The following CNTN5 variants were observed in gnomAD, a reference collection of about 807,000 sequenced individuals.
CNTN5 encodes the protein contactin-5.
Under a neutral mutation model 129.1 loss-of-function variants are expected in CNTN5, and 77 were observed. The observed-to-expected ratio is 0.60, with a 90% CI of 0.50 to 0.72. The LOEUF is 0.72. Ranked by LOEUF, CNTN5 falls within the 30% of genes least tolerant of loss-of-function variation. The pLI, the probability that CNTN5 is intolerant of heterozygous loss-of-function variation, is 0.00. For synonymous variants in CNTN5, 509 were observed against 465.6 expected, an observed-to-expected ratio of 1.09 and a Z score of -1.20; for missense variants, 1,478 against 1,328.8, an observed-to-expected ratio of 1.11 and a Z score of -1.75.
intron 20 of CNTN5, among the ~76,000 whole-genome samples, chr11:100,301,049 A>G (rs1359555294): frequency 6.6e-6 from 1 of 151,606 alleles, no homozygotes; most frequent in Non-Finnish European, 1.5e-5. Flanking sequence ...TGGAAAGCAC[A>G]TTTTTTAACT....
chr11:100,310,174 TG>T (rs1417184846), intron 21 of CNTN5, among the ~76,000 whole-genome samples: 3 of 151,910 alleles, frequency 2.0e-5, no homozygotes, highest in Non-Finnish European at 4.4e-5. Context: ...TACATTAGTG[TG>T]AATTCACTCT....
At chr11:100,111,563 G>T (rs1481345305) in intron 13 of CNTN5, among the ~76,000 whole-genome samples, 1 of 152,098 alleles carries the variant, frequency 6.6e-6, no homozygotes, top group Admixed American at 6.5e-5. Context: ...CAATAATGTT[G>T]TTCATTTTAC....
At chr11:99,685,158 G>C (rs1953734948) in intron 3 of CNTN5, among the ~76,000 whole-genome samples, 2 of 150,916 alleles carry the variant, frequency 1.3e-5, no homozygotes, top group African/African-American at 2.4e-5. Flanking sequence ...TCTTTAACAT[G>C]TGGGTACTTA....
At chr11:99,354,041 C>A (rs137991238) in intron 2 of CNTN5, among the ~76,000 whole-genome samples, 2 of 152,254 alleles carry the variant, frequency 1.3e-5, no homozygotes, top group African/African-American at 4.8e-5. Flanking sequence ...TAATTCATAG[C>A]ATTTTTAGCA....
intron 3 of CNTN5, among the ~76,000 whole-genome samples, chr11:99,556,527 A>C (rs1948670035): frequency 7.2e-6 from 1 of 138,770 alleles, no homozygotes; most frequent in East Asian, 2.1e-4. Context: ...TTGCAATCTA[A>C]ACCATCTAGC....
intron 3 of CNTN5, among the ~76,000 whole-genome samples, chr11:99,717,530 ATG>A (rs746717927): frequency 6.6e-6 from 1 of 151,984 alleles, no homozygotes; most frequent in Non-Finnish European, 1.5e-5. Context: ...ATGTGTTTGC[ATG>A]TGTGTGTGTT....
Position 100,202,089 on chromosome 11 carries a change from T to A in CNTN5, c.1884+8426T>A, listed in dbSNP as rs905245471. Among the ~76,000 whole-genome samples the A allele has an allele frequency of 2.0e-5, 3 of 152,152 alleles. No homozygotes were observed. The East Asian group carries it at 5.8e-4, about 29-fold the overall frequency. On this transcript the variant is annotated intron_variant, in intron 15 of 24. Coordinates refer to ENST00000524871, the MANE Select transcript of CNTN5 (RefSeq NM_014361.4). ...AATACGCTATGGTATAGAAATTGTGTTATTGTTGTTGTCATTGTTGTTTGA... is the reference window on the plus strand; with the variant it reads ...AATACGCTATGGTATAGAAATTGTGATATTGTTGTTGTCATTGTTGTTTGA...
At chr11:99,855,206 G>A (rs1947995734) in intron 6 of CNTN5, among the ~76,000 whole-genome samples, 1 of 152,066 alleles carries the variant, frequency 6.6e-6, no homozygotes, top group South Asian at 2.1e-4. Context: ...TTACTTGGGA[G>A]GCTAAGGTGG....
chr11:99,623,004 G>C (rs939845105), intron 3 of CNTN5, among the ~76,000 whole-genome samples: 3 of 151,966 alleles, frequency 2.0e-5, no homozygotes, highest in East Asian at 1.9e-4. Context: ...AAAATCCTCG[G>C]GCTTCTCTTA....
At chr11:100,226,644 C>T (rs1010232026) in intron 16 of CNTN5, among the ~76,000 whole-genome samples, 2 of 152,046 alleles carry the variant, frequency 1.3e-5, no homozygotes, top group African/African-American at 4.8e-5. Flanking sequence ...GATCAAGTCA[C>T]CACTTTTCTA....
chr11:99,337,145 G>A (rs1866263948), intron 2 of CNTN5, among the ~76,000 whole-genome samples: 1 of 152,168 alleles, frequency 6.6e-6, no homozygotes, highest in South Asian at 2.1e-4. Flanking sequence ...AGGTGTATGT[G>A]AAATGAAGAT....
chr11:99,796,040 A>G (rs140355953), intron 3 of CNTN5, among the ~76,000 whole-genome samples: 5 of 152,064 alleles, frequency 3.3e-5, no homozygotes, highest in African/African-American at 9.7e-5. Context: ...GTTGGCTTCT[A>G]TACAGATGTT....
chr11:100,124,805 G>C (rs2138180370), intron 13 of CNTN5, among the ~76,000 whole-genome samples: 1 of 152,144 alleles, frequency 6.6e-6, no homozygotes, highest in South Asian at 2.1e-4. Flanking sequence ...TCAGGATTAA[G>C]AAATAAAACT....
chr11:99,208,893 A>G (rs1164597450), intron 1 of CNTN5, among the ~76,000 whole-genome samples: 1 of 152,168 alleles, frequency 6.6e-6, no homozygotes, highest in Non-Finnish European at 1.5e-5. Context: ...AGATTAAGAG[A>G]AACAACTGTT....
intron 1 of CNTN5, among the ~76,000 whole-genome samples, chr11:99,069,924 G>A (rs940202424): frequency 2.0e-5 from 3 of 152,170 alleles, no homozygotes; most frequent in Non-Finnish European, 1.5e-5. Flanking sequence ...GGCTTCAGCA[G>A]GGAAGGATTT....
intron 15 of CNTN5, among the ~76,000 whole-genome samples, chr11:100,204,978 G>T (rs528255662): frequency 2.0e-5 from 3 of 151,920 alleles, no homozygotes; most frequent in Non-Finnish European, 2.9e-5. Context: ...ATATGAAAAA[G>T]ATTTTTCTTT....
Position 99,879,848 on chromosome 11 carries a change from G to T in CNTN5, c.577+34586G>T, listed in dbSNP as rs570529164. On this transcript the variant is annotated intron_variant, in intron 6 of 24. Transcript: ENST00000524871. The stretch of plus-strand genomic sequence containing the variant: ...GTGTGGAAACTGGGATTTGACTTTA[G>T]TAGGTCTAGCAAGAAGTCTATGTCC... 6.0e-4 allele frequency among the ~76,000 whole-genome samples: 91 copies of T among 152,296 alleles called. 3 individuals carry two copies. In the South Asian group the frequency reaches 0.017, roughly 29 times the overall value.
chr11:100,245,321 A>C (rs1280181494), intron 16 of CNTN5, among the ~76,000 whole-genome samples: 1 of 152,116 alleles, frequency 6.6e-6, no homozygotes, highest in Admixed American at 6.6e-5. Flanking sequence ...ACTTCATACA[A>C]ACTTGCATCG....
intron 3 of CNTN5, among the ~76,000 whole-genome samples, chr11:99,630,241 TATATAC>T (rs1242824220): frequency 4.5e-3 from 28 of 6,288 alleles, no homozygotes; most frequent in Non-Finnish European, 0.013. Context: ...TGTGTGTGTG[TATATAC>T]ATATATATAT....
Sources: gnomAD v4.1 joint callset for allele counts (sites outside exome capture counted in the v4.1 genomes callset) on GRCh38, gnomAD v4.1.1 for gene constraint, MANE v1.5 for transcripts, NCBI Gene and HGNC (gene_info 2026-07-23, HGNC 2026-07-21) for gene names.